The following ACYP2 variants were observed in gnomAD, a reference collection of about 807,000 sequenced individuals.
ACYP2 encodes the protein acylphosphatase-2.
Under a neutral mutation model 11.2 loss-of-function variants are expected in ACYP2, and 12 were observed. That is an observed-to-expected ratio of 1.08 (90% confidence interval 0.69 to 1.74). The LOEUF (loss-of-function observed/expected upper bound fraction) is 1.74, where lower values mean the gene tolerates loss of function less well. Ranked by LOEUF, ACYP2 falls within the 40% of genes most tolerant of loss-of-function variation. ACYP2 has a pLI of 0.00. For missense variants in ACYP2, 134 were observed against 101.9 expected, an observed-to-expected ratio of 1.31 and a Z score of -1.35; for synonymous variants, 43 against 32.2, an observed-to-expected ratio of 1.33 and a Z score of -1.13.
rs371457489 is a variant in ACYP2 at position 53,983,991 on chromosome 2, G to C, written c.62+10181G>C. 6.4e-4 allele frequency among the ~76,000 whole-genome samples: 98 copies of C among 152,214 alleles called. 2 individuals are homozygous for C. The South Asian group carries it at 0.015, about 24-fold the overall frequency. On this transcript the variant is annotated intron_variant, in intron 2 of 6. Transcript: ENST00000607452. ...GCCTTCCTAAGGTGCTGGATGCTGG[G>C]GGTTTATCCTGTAAGCATTGAGGTA...
chr2:54,256,537 A>G (rs184624790), intron 6 of ACYP2, among the ~76,000 whole-genome samples: 1 of 152,278 alleles, frequency 6.6e-6, no homozygotes, highest in Non-Finnish European at 1.5e-5. Context: ...ATGGATTTGT[A>G]GGAAGCCTTT....
chr2:54,009,827 G>A (rs936156396), intron 2 of ACYP2, among the ~76,000 whole-genome samples: 1 of 152,144 alleles, frequency 6.6e-6, no homozygotes, highest in African/African-American at 2.4e-5. Flanking sequence ...TACTTAATTT[G>A]TGCTAGGTTT....
chr2:54,013,162 C>G (rs1673472877), intron 2 of ACYP2, among the ~76,000 whole-genome samples: 1 of 132,308 alleles, frequency 7.6e-6, no homozygotes, highest in Non-Finnish European at 1.6e-5. Flanking sequence ...CCCCACCTGC[C>G]CCCACCCCCC....
At chr2:53,993,556 G>C (rs1209146439) in intron 2 of ACYP2, among the ~76,000 whole-genome samples, 2 of 151,972 alleles carry the variant, frequency 1.3e-5, no homozygotes, top group Non-Finnish European at 2.9e-5. Context: ...AATTAGCTGG[G>C]TGTGGTGGTG....
At chr2:54,261,848 C>T (rs1687794127) in intron 6 of ACYP2, among the ~76,000 whole-genome samples, 2 of 152,126 alleles carry the variant, frequency 1.3e-5, no homozygotes, top group Admixed American at 1.3e-4. Context: ...TCTTCTGTTT[C>T]CCATGGAAAG....
intron 2 of ACYP2, among the ~76,000 whole-genome samples, chr2:54,001,648 C>T (rs1672807878): frequency 6.6e-6 from 1 of 152,160 alleles, no homozygotes; most frequent in African/African-American, 2.4e-5. Flanking sequence ...CTCACCTCGG[C>T]CTTCCAAAGT....
intron 6 of ACYP2, among the ~76,000 whole-genome samples, chr2:54,234,227 ACT>A (rs1444263014): frequency 1.3e-5 from 2 of 152,264 alleles, no homozygotes; most frequent in South Asian, 2.1e-4. Flanking sequence ...TTCTCAAAAC[ACT>A]CTCATTGTAA....
chr2:54,019,706 G>A (rs911913446), intron 2 of ACYP2, among the ~76,000 whole-genome samples: 1 of 151,784 alleles, frequency 6.6e-6, no homozygotes, highest in South Asian at 2.1e-4. Context: ...TGCAGCCTCT[G>A]CCTCCCGGGT....
intron 6 of ACYP2, among the ~76,000 whole-genome samples, chr2:54,197,497 C>A (rs1572919499): frequency 1.3e-5 from 2 of 152,152 alleles, no homozygotes; most frequent in Non-Finnish European, 2.9e-5. Context: ...CATTAGTAAG[C>A]AACATAGTAT....
intron 4 of ACYP2, among the ~76,000 whole-genome samples, chr2:54,060,479 T>C (rs1676410473): frequency 6.6e-6 from 1 of 152,172 alleles, no homozygotes. Flanking sequence ...TAAAGTTTTG[T>C]TTTGTTCCTT....
chr2:54,212,283 G>A (rs900970227), intron 6 of ACYP2, among the ~76,000 whole-genome samples: 10 of 152,196 alleles, frequency 6.6e-5, no homozygotes, highest in Middle Eastern at 3.4e-3. Context: ...GATGATCTTT[G>A]GAAAATCAAG....
chr2:54,221,768 C>T (rs370809696), intron 6 of ACYP2, among the ~76,000 whole-genome samples: 11 of 151,958 alleles, frequency 7.2e-5, no homozygotes, highest in East Asian at 3.9e-4. Context: ...GTGATCCACT[C>T]GCCTCAGCCT....
rs546625358 is a variant in ACYP2, at chr2:54,222,265, A to G, written c.405-82423A>G. 1.9e-4 allele frequency among the ~76,000 whole-genome samples: 29 copies of G among 152,122 alleles called. 1 individual carries two copies. The highest frequency in any genetic ancestry group is 1.7e-3 in the East Asian group (9 of 5,174). ...GTGGAACTAGGAGAAAAATAGAATT[A>G]CAGGCCAGGCGTGGTGGCTCATGCC... On this transcript the variant is annotated intron_variant, in intron 6 of 6. Transcript: ENST00000607452.
intron 6 of ACYP2, among the ~76,000 whole-genome samples, chr2:54,235,816 G>A (rs1305680053): frequency 6.6e-6 from 1 of 152,166 alleles, no homozygotes; most frequent in Non-Finnish European, 1.5e-5. Context: ...CATGAGCAAT[G>A]AGAGTGAGAC....
chr2:53,995,497 T>G (rs1470684615), intron 2 of ACYP2, among the ~76,000 whole-genome samples: 1 of 149,962 alleles, frequency 6.7e-6, no homozygotes, highest in African/African-American at 2.4e-5. Context: ...TTTTTATTTA[T>G]TTATTTATTT....
intron 2 of ACYP2, among the ~76,000 whole-genome samples, chr2:53,979,071 A>G (rs1023370797): frequency 6.6e-6 from 1 of 152,010 alleles, no homozygotes; most frequent in Non-Finnish European, 1.5e-5. Flanking sequence ...AAAAAAAAAA[A>G]GGTAACTGTA....
chr2:54,153,905 T>G (rs1223418272), intron 6 of ACYP2, among the ~76,000 whole-genome samples: 1 of 152,150 alleles, frequency 6.6e-6, no homozygotes, highest in Non-Finnish European at 1.5e-5. Flanking sequence ...TGGCCCGTAG[T>G]TGGACTTTTT....
intron 6 of ACYP2, chr2:54,254,580 A>T: frequency 4.2e-6 from 1 of 240,098 alleles, no homozygotes; most frequent in Non-Finnish European, 8.0e-6. Flanking sequence ...TAGAAATCCA[A>T]GTAGGAGGAG....
intron 6 of ACYP2, among the ~76,000 whole-genome samples, chr2:54,248,918 C>T (rs1687079670): frequency 6.6e-6 from 1 of 152,008 alleles, no homozygotes; most frequent in South Asian, 2.1e-4. Context: ...GTGTGATTTC[C>T]ATGGTTGAGG....
Sources: gnomAD v4.1 joint callset for allele counts (sites outside exome capture counted in the v4.1 genomes callset) on GRCh38, gnomAD v4.1.1 for gene constraint, MANE v1.5 for transcripts, NCBI Gene and HGNC (gene_info 2026-07-23, HGNC 2026-07-21) for gene names.